ANTXR2: variants seen among roughly 807,000 people sequenced by gnomAD.
ANTXR2 encodes the protein ANTXR cell adhesion molecule 2, also known as anthrax toxin receptor 2.
A neutral mutation model predicts 73.7 loss-of-function variants in ANTXR2; 44 were observed. The observed-to-expected ratio is 0.60, with a 90% confidence interval of 0.47 to 0.77. The LOEUF (loss-of-function observed/expected upper bound fraction) is 0.77. ANTXR2 is among the 30% of genes least tolerant of loss of function. ANTXR2 has a pLI of 0.00. For missense variants in ANTXR2, 604 were observed against 592.5 expected, an observed-to-expected ratio of 1.02 and a Z score of -0.20; for synonymous variants, 217 against 205.9, an observed-to-expected ratio of 1.05 and a Z score of -0.46.
intron 16 of ANTXR2, among the ~76,000 whole-genome samples, chr4:79,962,559 C>T (rs1198676042): frequency 6.6e-6 from 1 of 152,036 alleles, no homozygotes; most frequent in Admixed American, 6.6e-5. Context: ...GAAACTATAA[C>T]AAATTTCAGA....
rs1260824746 is a variant in ANTXR2, at chr4:80,054,876, TAA to T, written c.555+272_555+273del. On this transcript the variant is annotated intron_variant, in intron 6 of 16. Transcript: ENST00000403729. ...TATAATAACATTTTGTCAATTGAGTTAAGAGAAATATGTGTATCATTTCAAGC... is the reference window on the plus strand; with the variant it reads ...TATAATAACATTTTGTCAATTGAGTTGAGAAATATGTGTATCATTTCAAGC... 3.3e-5 allele frequency among the ~76,000 whole-genome samples: 5 copies of T among 151,504 alleles called. No homozygotes were observed. In the East Asian group the frequency reaches 9.7e-4, roughly 29 times the overall value.
chr4:80,024,059 G>T (rs1732301597), intron 10 of ANTXR2, among the ~76,000 whole-genome samples: 1 of 152,130 alleles, frequency 6.6e-6, no homozygotes, highest in South Asian at 2.1e-4. Context: ...TACCAAAGTA[G>T]AATTGAACTA....
At position 79,925,287 on chromosome 4, in the gene ANTXR2, CTT is replaced by C. The variant is rs34138950; in HGVS notation, c.1429-17822_1429-17821del. Among the ~76,000 whole-genome samples the C allele has an allele frequency of 1.1e-3, 164 of 143,904 alleles. 2 individuals carry two copies. Among genetic ancestry groups the C allele is most frequent in the Middle Eastern group, 3.7e-3 (1 of 272 alleles). The allele number at this position is 143,904 out of a possible 152,430, so 94.4% of individuals were successfully genotyped here. A position where few individuals can be genotyped will look rare whatever the true frequency, so the allele number is the denominator to read the frequency against. On this transcript the variant is annotated intron_variant, in intron 16 of 16. Coordinates refer to ENST00000403729, the MANE Select transcript of ANTXR2 (RefSeq NM_058172.6). ...AGACTTAAATTATAGTCACTCTTTC[CTT>C]TTTTTTTTTTTAATGATGATGGCAT...
chr4:80,071,168 A>G (rs1734769286), intron 2 of ANTXR2, among the ~76,000 whole-genome samples: 2 of 152,228 alleles, frequency 1.3e-5, no homozygotes, highest in South Asian at 4.1e-4. Context: ...GTTCATTTGA[A>G]GTTTTCCAAC....
At chr4:80,048,107 A>G (rs1733605567) in intron 7 of ANTXR2, among the ~76,000 whole-genome samples, 1 of 151,514 alleles carries the variant, frequency 6.6e-6, no homozygotes, top group South Asian at 2.1e-4. Flanking sequence ...TATCTAATGC[A>G]CATGGAATCA....
chr4:79,930,282 G>T (rs982228402), intron 16 of ANTXR2, among the ~76,000 whole-genome samples: 1 of 152,066 alleles, frequency 6.6e-6, no homozygotes, highest in African/African-American at 2.4e-5. Flanking sequence ...TATATTAGGA[G>T]AACTTATATA....
chr4:79,977,585 A>G (rs1204808306), intron 16 of ANTXR2, 36 bp downstream of exon 16: 1 of 1,555,334 alleles, frequency 6.4e-7, no homozygotes, highest in Non-Finnish European at 8.7e-7. Context: ...TGACTCAAGC[A>G]GTTAGCTCTT....
rs1464744844 is a variant in ANTXR2 at position 79,903,155 on chromosome 4, AAG to A, written c.*4272_*4273del. 4.0e-5 allele frequency: 6 copies of A among 151,836 alleles called. No individual in the cohort carries two copies. The highest frequency in any genetic ancestry group is 5.9e-5 in the Non-Finnish European group (4 of 68,026). 9.4% of individuals were successfully genotyped at this position (151,836 alleles called of 1,614,324 possible). A position where few individuals can be genotyped will look rare whatever the true frequency, so the allele number is the denominator to read the frequency against. On this transcript the variant is annotated 3_prime_UTR_variant, in exon 17 of 17. Coordinates refer to ENST00000403729, the MANE Select transcript of ANTXR2 (RefSeq NM_058172.6). ...CAGAGTGAGACTCTGTTTCAAAAAA[AAG>A]AAAAAAAATCTAGTCAGTGCTAAAA...
chr4:80,017,059 T>G (rs536928737), intron 11 of ANTXR2, among the ~76,000 whole-genome samples: 1 of 152,204 alleles, frequency 6.6e-6, no homozygotes, highest in African/African-American at 2.4e-5. Flanking sequence ...AAACAGTGAA[T>G]CAAATCATGT....
chr4:80,051,156 T>C (rs903210217), intron 7 of ANTXR2, among the ~76,000 whole-genome samples: 2 of 151,688 alleles, frequency 1.3e-5, no homozygotes, highest in African/African-American at 4.8e-5. Context: ...ACTAAACCCA[T>C]CCTGTCTTTA....
Position 79,977,634 on chromosome 4 carries a change from T to A in ANTXR2, c.1415A>T (p.Gln472Leu). The A allele has an allele frequency of 1.3e-6, 2 of 1,577,728 alleles. No homozygotes were observed. Among genetic ancestry groups the A allele is most frequent in the Non-Finnish European group, 1.7e-6 (2 of 1,160,616 alleles). Residue 472 changes from glutamine (Q) to leucine (L), a missense_variant, in exon 16 of 17, where the codon CAG (glutamine) becomes CTG (leucine). Physicochemically the swap from Gln to Leu is moderately radical, Grantham distance 113. Transcript: ENST00000403729. ...CCATATACAAACCTCATCTCCTTCC[T>A]GAGGTCGCATCAAAGAAACCCGGTC... Reference protein sequence around the residue: ...QYDRVSLMRPQEGDEGRCINF... With the variant: ...QYDRVSLMRPLEGDEGRCINF...
intron 16 of ANTXR2, among the ~76,000 whole-genome samples, chr4:79,914,773 A>G (rs1224471759): frequency 6.6e-6 from 1 of 152,214 alleles, no homozygotes. Context: ...TTCTTCTATG[A>G]TAACAAATCT....
chr4:80,056,092 T>C, intron 3 of ANTXR2, 79 bp from the exon 4 acceptor site: 2 of 937,298 alleles, frequency 2.1e-6, no homozygotes, highest in Non-Finnish European at 3.1e-6. Flanking sequence ...AACATGGCAG[T>C]ATTGTAACTA....
chr4:80,033,444 G>A (rs748484657), intron 9 of ANTXR2, 28 bp downstream of exon 9: 65 of 1,537,878 alleles, frequency 4.2e-5, no homozygotes, highest in Non-Finnish European at 5.5e-5. Context: ...CAGAGATTAA[G>A]ACAACACTGA....
At chr4:79,913,958 T>C (rs1727247169) in intron 16 of ANTXR2, among the ~76,000 whole-genome samples, 1 of 152,352 alleles carries the variant, frequency 6.6e-6, no homozygotes, top group African/African-American at 2.4e-5. Context: ...TTCATGCCTG[T>C]GTCAAGTCAG....
chr4:79,950,654 CT>C (rs1020884730), intron 16 of ANTXR2, among the ~76,000 whole-genome samples: 2 of 152,140 alleles, frequency 1.3e-5, no homozygotes, highest in Non-Finnish European at 2.9e-5. Context: ...ACAGATGCCA[CT>C]TTTGACCCAT....
chr4:79,994,308 G>A (rs1333948897), intron 12 of ANTXR2, among the ~76,000 whole-genome samples: 4 of 151,870 alleles, frequency 2.6e-5, no homozygotes, highest in Admixed American at 6.6e-5. Context: ...CAATCCCAAT[G>A]TTCAAATTTG....
At chr4:79,992,798 C>G (rs1730534653) in intron 12 of ANTXR2, among the ~76,000 whole-genome samples, 1 of 151,976 alleles carries the variant, frequency 6.6e-6, no homozygotes, top group Non-Finnish European at 1.5e-5. Context: ...GCTAACATTC[C>G]TTCCTATCTT....
At chr4:80,021,040 T>G (rs1043112415) in intron 10 of ANTXR2, among the ~76,000 whole-genome samples, 2 of 149,370 alleles carry the variant, frequency 1.3e-5, no homozygotes, top group Non-Finnish European at 3.0e-5. Context: ...TCCCAGCTAC[T>G]TGGGAGGCTG....
Sources: allele counts gnomAD v4.1 joint callset (sites outside exome capture counted in the v4.1 genomes callset), GRCh38; gene constraint gnomAD v4.1.1; transcripts MANE v1.5; gene names NCBI Gene and HGNC (gene_info 2026-07-23, HGNC 2026-07-21).